Variants in ACBD6 observed in about 807,000 individuals in gnomAD.
ACBD6 encodes acyl-CoA binding domain containing 6, also known as acyl-CoA-binding domain-containing protein 6.
In ACBD6, 28 loss-of-function variants were observed where a neutral mutation model predicts 37.2. The ratio of observed to expected loss-of-function variants is 0.75; its 90% CI spans 0.56 to 1.03. The LOEUF (loss-of-function observed/expected upper bound fraction) is 1.03, where lower values mean the gene tolerates loss of function less well. Among genes scored for constraint, ACBD6 ranks in the 50% least tolerant of loss-of-function variants. ACBD6 has a pLI of 0.00. For synonymous variants in ACBD6, 113 were observed against 126.8 expected, an observed-to-expected ratio of 0.89 and a Z score of 0.73; for missense variants, 340 against 337.4, an observed-to-expected ratio of 1.01 and a Z score of -0.06.
chr1:180,465,122 T>C, intron 3 of ACBD6, among the ~76,000 whole-genome samples: 1 of 151,956 alleles, frequency 6.6e-6, no homozygotes. Context: ...ACAGCAAAGA[T>C]TTCATGACAA....
At chr1:180,462,224 G>A (rs1571542919) in intron 3 of ACBD6, among the ~76,000 whole-genome samples, 1 of 152,060 alleles carries the variant, frequency 6.6e-6, no homozygotes, top group African/African-American at 2.4e-5. Flanking sequence ...ACAACACAGT[G>A]AGACTCCGTC....
At chr1:180,484,584 A>C (rs1474969389) in intron 3 of ACBD6, among the ~76,000 whole-genome samples, 1 of 152,120 alleles carries the variant, frequency 6.6e-6, no homozygotes, top group Admixed American at 6.5e-5. Flanking sequence ...ATGAATATAA[A>C]CTTATGGTTT....
At chr1:180,278,103 C>CACTT (rs1468239561) in intron 9 of ACBD6, 3 of 152,232 alleles carry the variant, frequency 2.0e-5, no homozygotes, top group Admixed American at 2.0e-4. Context: ...TCTGCACCTA[C>CACTT]ACTTCCACGT....
intron 6 of ACBD6, among the ~76,000 whole-genome samples, chr1:180,318,128 C>A (rs1417950064): frequency 6.8e-6 from 1 of 146,946 alleles, no homozygotes; most frequent in Non-Finnish European, 1.5e-5. Context: ...CGCCACTGCA[C>A]TCCAGCCTGG....
chr1:180,335,292 G>A (rs561746743), intron 6 of ACBD6, among the ~76,000 whole-genome samples: 4 of 152,242 alleles, frequency 2.6e-5, no homozygotes, highest in Middle Eastern at 6.8e-3. Context: ...AGGGAAGCCC[G>A]TCATACTAAC....
rs777817185 is a variant in ACBD6 at position 180,386,579 on chromosome 1, T to C, written c.663+10937A>G. Among the ~76,000 whole-genome samples the C allele has an allele frequency of 3.3e-5, 5 of 152,168 alleles. No individual in the cohort carries two copies. In the South Asian group the frequency reaches 1.0e-3, roughly 32 times the overall value. ...ACAAAAAAAGTTAGATCTTTTACAA[T>C]TGTCCCACAGTCCTGGAGCCTCTGT... On this transcript the variant is annotated intron_variant, in intron 6 of 7. Transcript: ENST00000367595.
intron 6 of ACBD6, among the ~76,000 whole-genome samples, chr1:180,353,302 GCTTTT>G (rs1046550012): frequency 1.3e-5 from 2 of 152,084 alleles, no homozygotes; most frequent in African/African-American, 4.8e-5. Context: ...TATTCTTTAA[GCTTTT>G]CTTCACTGAG....
chr1:180,422,515 T>C (rs1043616044), intron 4 of ACBD6, among the ~76,000 whole-genome samples: 2 of 152,162 alleles, frequency 1.3e-5, no homozygotes, highest in South Asian at 2.1e-4. Context: ...GCCCATCCCT[T>C]TTCTTTTTTA....
At chr1:180,311,751 GAAAGGAGGGAGT>G (rs907818960) in intron 7 of ACBD6, among the ~76,000 whole-genome samples, 2 of 152,214 alleles carry the variant, frequency 1.3e-5, no homozygotes, top group African/African-American at 4.8e-5. Context: ...TGGGAAGACA[GAAAGGAGGGAGT>G]AATCTTGGTT....
intron 5 of ACBD6, among the ~76,000 whole-genome samples, chr1:180,403,604 A>C (rs1647480970): frequency 6.6e-6 from 1 of 152,236 alleles, no homozygotes; most frequent in Non-Finnish European, 1.5e-5. Context: ...TGGGGAAAAA[A>C]AATCAAACAA....
At chr1:180,440,777 T>C (rs373514890) in intron 3 of ACBD6, among the ~76,000 whole-genome samples, 1 of 152,220 alleles carries the variant, frequency 6.6e-6, no homozygotes, top group Non-Finnish European at 1.5e-5. Context: ...CCATTCTGGA[T>C]ATTTCATATA....
chr1:180,294,232 C>T (rs930795796), intron 7 of ACBD6, among the ~76,000 whole-genome samples: 1 of 152,024 alleles, frequency 6.6e-6, no homozygotes, highest in African/African-American at 2.4e-5. Context: ...TAGTTTGTGT[C>T]TTTAAAAAAA....
At chr1:180,438,741 G>A (rs1446262402) in intron 3 of ACBD6, among the ~76,000 whole-genome samples, 1 of 152,092 alleles carries the variant, frequency 6.6e-6, no homozygotes, top group African/African-American at 2.4e-5. Context: ...TACAGCTGAT[G>A]AGCCTATATT....
intron 6 of ACBD6, among the ~76,000 whole-genome samples, chr1:180,339,300 G>C (rs1429905332): frequency 6.6e-6 from 1 of 152,200 alleles, no homozygotes; most frequent in Non-Finnish European, 1.5e-5. Flanking sequence ...ATCAGTGACA[G>C]ACTGGATTAA....
At chr1:180,383,776 T>C (rs1007255160) in intron 6 of ACBD6, among the ~76,000 whole-genome samples, 2 of 152,106 alleles carry the variant, frequency 1.3e-5, no homozygotes, top group Non-Finnish European at 1.5e-5. Context: ...AAATATATTA[T>C]AATGCTATAG....
At chr1:180,297,428 C>G (rs866275114) in intron 7 of ACBD6, among the ~76,000 whole-genome samples, 16 of 152,302 alleles carry the variant, frequency 1.1e-4, no homozygotes, top group Admixed American at 2.0e-4. Flanking sequence ...TGAATGCTAT[C>G]TCTGCCTTCA....
At chr1:180,464,702 A>T (rs1650281282) in intron 3 of ACBD6, among the ~76,000 whole-genome samples, 1 of 152,160 alleles carries the variant, frequency 6.6e-6, no homozygotes, top group Non-Finnish European at 1.5e-5. Context: ...TTTATATGGA[A>T]CCAAAAAGAG....
chr1:180,483,796 C>T (rs1433147168), intron 3 of ACBD6, among the ~76,000 whole-genome samples: 1 of 151,946 alleles, frequency 6.6e-6, no homozygotes, highest in Non-Finnish European at 1.5e-5. Flanking sequence ...GACTAAGATA[C>T]CAAATACACT....
At chr1:180,434,439 C>G (rs886272534) in intron 3 of ACBD6, among the ~76,000 whole-genome samples, 2 of 152,116 alleles carry the variant, frequency 1.3e-5, no homozygotes, top group African/African-American at 4.8e-5. Flanking sequence ...TTTTCTGATC[C>G]TAAAGAGATT....
Sources: gnomAD v4.1 joint callset for allele counts (sites outside exome capture counted in the v4.1 genomes callset) on GRCh38, gnomAD v4.1.1 for gene constraint, MANE v1.5 for transcripts, NCBI Gene and HGNC (gene_info 2026-07-23, HGNC 2026-07-21) for gene names.